The following TMEM232 variants were observed in gnomAD, a reference collection of about 807,000 sequenced individuals.
TMEM232 encodes the protein transmembrane protein 232.
TMEM232 carries 80 observed loss-of-function variants against 78.8 expected under a neutral mutation model. That is an observed-to-expected ratio of 1.01 (90% CI 0.85 to 1.22). TMEM232 has a LOEUF of 1.22. Ranked by LOEUF, TMEM232 falls within the 50% of genes most tolerant of loss-of-function variation. The pLI, the probability that TMEM232 is intolerant of heterozygous loss-of-function variation, is 0.00. For missense variants in TMEM232, 881 were observed against 742.2 expected, an observed-to-expected ratio of 1.19 and a Z score of -2.17; for synonymous variants, 297 against 254.3, an observed-to-expected ratio of 1.17 and a Z score of -1.60.
chr5:110,608,272 A>C (rs1275594415), intron 8 of TMEM232, among the ~76,000 whole-genome samples: 1 of 151,986 alleles, frequency 6.6e-6, no homozygotes, highest in Non-Finnish European at 1.5e-5. Flanking sequence ...TAAAATGACA[A>C]GGTTCAGAAT....
chr5:110,696,807 G>C (rs1031151801), intron 1 of TMEM232, among the ~76,000 whole-genome samples: 10 of 151,740 alleles, frequency 6.6e-5, no homozygotes, highest in East Asian at 1.9e-4. Context: ...AGGATACAAA[G>C]AAATGGAAGA....
intron 12 of TMEM232, among the ~76,000 whole-genome samples, chr5:110,459,427 T>C (rs993924438): frequency 6.6e-6 from 1 of 152,172 alleles, no homozygotes; most frequent in African/African-American, 2.4e-5. Context: ...GAATAAGTCC[T>C]GTTTTTTATC....
chr5:110,629,338 G>T (rs1301938100), intron 5 of TMEM232, among the ~76,000 whole-genome samples: 1 of 152,034 alleles, frequency 6.6e-6, no homozygotes, highest in Non-Finnish European at 1.5e-5. Context: ...TCTCAATTTG[G>T]TCATGGATTT....
chr5:110,700,766 GTAGGTAGATAGATAGA>G (rs1441202965), intron 1 of TMEM232, among the ~76,000 whole-genome samples: 8 of 126,152 alleles, frequency 6.3e-5, no homozygotes, highest in African/African-American at 1.5e-4. Context: ...AGGTAGGTAG[GTAGGTAGATAGATAGA>G]TAGGTAGATA....
In TMEM232 at chr5:110,457,197, A is replaced by C. The variant is rs115010718; in HGVS notation, c.1704-32281T>G. Among the ~76,000 whole-genome samples, 1,410 of 152,250 alleles carry C rather than the reference A, an allele frequency of 9.3e-3. 32 individuals are homozygous for C. Among genetic ancestry groups the C allele is most frequent in the African/African-American group, 0.032 (1,314 of 41,572 alleles). On this transcript the variant is annotated intron_variant, in intron 12 of 13. Coordinates refer to ENST00000455884, the MANE Select transcript of TMEM232 (RefSeq NM_001039763.4). ...TTAACTTAATAAAAAGCTAGATAAA[A>C]GTGAACAAATGATTTCACAAAAGAA...
In TMEM232 at chr5:110,510,723, G is replaced by A. The variant is rs1767621472; in HGVS notation, c.1703+17865C>T. 2.0e-5 allele frequency among the ~76,000 whole-genome samples: 3 copies of A among 152,162 alleles called. No individual in the cohort carries two copies. The South Asian group carries it at 6.2e-4, about 32-fold the overall frequency. On this transcript the variant is annotated intron_variant, in intron 12 of 13. Coordinates refer to ENST00000455884, the MANE Select transcript of TMEM232 (RefSeq NM_001039763.4). ...TCATCATCACTGGTCACAGAGAAAT[G>A]CAAATCAAAATCACAATAATATACC...
chr5:110,692,463 G>T (rs1206326670), intron 1 of TMEM232, among the ~76,000 whole-genome samples: 6 of 152,186 alleles, frequency 3.9e-5, no homozygotes, highest in Admixed American at 3.3e-4. Context: ...GCAGGAGAGT[G>T]GGTGCAGCAC....
At chr5:110,391,753 A>C (rs1755204799) in intron 3 of TMEM232, among the ~76,000 whole-genome samples, 1 of 152,212 alleles carries the variant, frequency 6.6e-6, no homozygotes, top group African/African-American at 2.4e-5. Flanking sequence ...ACGTGTCTTG[A>C]CCATAAAGAT....
chr5:110,695,223 A>G (rs1448148780), intron 1 of TMEM232, among the ~76,000 whole-genome samples: 1 of 152,214 alleles, frequency 6.6e-6, no homozygotes, highest in Non-Finnish European at 1.5e-5. Flanking sequence ...AAAGAAATGA[A>G]GGCAGAAATA....
chr5:110,416,068 CTT>C (rs1457381411), downstream of TMEM232, among the ~76,000 whole-genome samples: 3 of 152,076 alleles, frequency 2.0e-5, no homozygotes, highest in Non-Finnish European at 4.4e-5. Flanking sequence ...AGAAAAGTAA[CTT>C]AAGTCATCAA....
intron 13 of TMEM232, 144 bp downstream of exon 13, chr5:110,424,679 A>T: frequency 1.5e-6 from 1 of 664,002 alleles, no homozygotes; most frequent in East Asian, 2.8e-5. Flanking sequence ...ACATAGTGAG[A>T]TATAATTCAG....
At position 110,495,046 on chromosome 5, in the gene TMEM232, A is replaced by C. The variant is rs183083522; in HGVS notation, c.1703+33542T>G. 3.0e-3 allele frequency among the ~76,000 whole-genome samples: 448 copies of C among 151,660 alleles called. 8 individuals are homozygous for C. Among genetic ancestry groups the C allele is most frequent in the Non-Finnish European group, 6.6e-4 (45 of 67,756 alleles). On this transcript the variant is annotated intron_variant, in intron 12 of 13. Coordinates refer to ENST00000455884, the MANE Select transcript of TMEM232 (RefSeq NM_001039763.4). ...GTGGATAATTTTTAGTTTTGAAGTT[A>C]TATGGTAGGCTTCTAAGTATTTGTT...
intron 1 of TMEM232, among the ~76,000 whole-genome samples, chr5:110,675,891 A>G (rs552888546): frequency 5.3e-5 from 8 of 152,040 alleles, no homozygotes; most frequent in Non-Finnish European, 4.4e-5. Flanking sequence ...TTTAACTGAA[A>G]CTTGTTACCC....
chr5:110,672,029 G>A (rs1791417431), intron 1 of TMEM232, among the ~76,000 whole-genome samples: 1 of 151,972 alleles, frequency 6.6e-6, no homozygotes, highest in African/African-American at 2.4e-5. Context: ...AAAAAATACA[G>A]GCCATCCAGA....
At chr5:110,671,151 CTCATCATCACTGG>C (rs1791303465) in intron 1 of TMEM232, among the ~76,000 whole-genome samples, 1 of 152,108 alleles carries the variant, frequency 6.6e-6, no homozygotes, top group Non-Finnish European at 1.5e-5. Context: ...TGATAAAAAG[CTCATCATCACTGG>C]TCATTAGAGA....
intron 12 of TMEM232, among the ~76,000 whole-genome samples, chr5:110,487,464 A>G (rs1764587298): frequency 6.6e-6 from 1 of 152,030 alleles, no homozygotes; most frequent in South Asian, 2.1e-4. Flanking sequence ...GATGGCTTTT[A>G]TTACATTGAG....
At position 110,639,371 on chromosome 5, in the gene TMEM232, T is replaced by C. The variant is rs573548954; in HGVS notation, c.344-1016A>G. 2.7e-3 allele frequency among the ~76,000 whole-genome samples: 407 copies of C among 152,346 alleles called. 2 individuals carry two copies. The highest frequency in any genetic ancestry group is 9.0e-3 in the African/African-American group (373 of 41,592). The stretch of plus-strand genomic sequence containing the variant: ...TGAATGCATTAAAATCCTTCTGCTG[T>C]ATGTAACAGAAAATGCAACAAAAAT... On this transcript the variant is annotated intron_variant, in intron 4 of 13. Transcript: ENST00000455884.
intron 10 of TMEM232, among the ~76,000 whole-genome samples, chr5:110,589,025 T>C (rs770832014): frequency 6.6e-6 from 1 of 152,082 alleles, no homozygotes; most frequent in Non-Finnish European, 1.5e-5. Flanking sequence ...AAATCTATCA[T>C]TTTTTCACTG....
intron 10 of TMEM232, among the ~76,000 whole-genome samples, chr5:110,589,811 G>A (rs1779292746): frequency 6.6e-6 from 1 of 151,966 alleles, no homozygotes. Context: ...GACCCATAAG[G>A]GCAAAATGTT....
Sources: allele counts gnomAD v4.1 joint callset (sites outside exome capture counted in the v4.1 genomes callset), GRCh38; gene constraint gnomAD v4.1.1; transcripts MANE v1.5; gene names NCBI Gene and HGNC (gene_info 2026-07-23, HGNC 2026-07-21).